KCNK17: variants seen among roughly 807,000 people sequenced by gnomAD.
The protein encoded by KCNK17 is potassium channel subfamily K member 17.
KCNK17 carries 27 observed loss-of-function variants against 24.6 expected under a neutral mutation model. The observed-to-expected ratio is 1.10, with a 90% CI of 0.81 to 1.51. The LOEUF (loss-of-function observed/expected upper bound fraction) is 1.51. Among genes scored for constraint, KCNK17 ranks in the 40% most tolerant of loss-of-function variants. The pLI is 0.00. For missense variants in KCNK17, 450 were observed against 436.6 expected (o/e 1.03, Z -0.27); for synonymous variants, 181 against 189.8 (o/e 0.95, Z 0.38).
At chr6:39,305,496 G>GC (rs79557164) in intron 2 of KCNK17, among the ~76,000 whole-genome samples, 18,616 of 146,214 alleles carry the variant, frequency 0.13, 1,397 homozygotes, top group Admixed American at 0.2. Context: ...GGTAGAAGTT[G>GC]GGGGGGTGGT....
chr6:39,299,947 CTT>C (rs1159143914), intron 4 of KCNK17, among the ~76,000 whole-genome samples: 3 of 152,222 alleles, frequency 2.0e-5, no homozygotes, highest in African/African-American at 7.2e-5. Context: ...TACATTTCCT[CTT>C]TGTCTTTCTG....
Position 39,299,575 on chromosome 6 carries a change from T to A in KCNK17, c.851A>T (p.Asp284Val). Residue 284 changes from aspartate to valine, a missense_variant, in exon 5 of 5, where the codon GAC (aspartate) becomes GTC (valine). Transcript: ENST00000373231. ...CSCCHHSSKE[D>V]FKSQSWRQGP... is the part of the protein sequence containing the mutation. ...CTGTCTCCAGCTTTGGGACTTGAAG[T>A]CTTCCTTAGAGCTGTGGTGGCAGCA... The A allele has an allele frequency of 6.2e-7, 1 of 1,614,148 alleles. No homozygotes were observed. Among genetic ancestry groups the A allele is most frequent in the East Asian group, 2.2e-5 (1 of 44,878 alleles).
chr6:39,308,479 T>G (rs1313667021), intron 2 of KCNK17, among the ~76,000 whole-genome samples: 1 of 152,180 alleles, frequency 6.6e-6, no homozygotes, highest in African/African-American at 2.4e-5. Flanking sequence ...TTAGAAGAGA[T>G]GGGGTTTCAT....
At chr6:39,308,755 C>T (rs1170644485) in intron 2 of KCNK17, among the ~76,000 whole-genome samples, 1 of 152,216 alleles carries the variant, frequency 6.6e-6, no homozygotes, top group African/African-American at 2.4e-5. Flanking sequence ...GTGCTGGTCC[C>T]AGGGTAATGG....
In KCNK17 at chr6:39,303,930, G is replaced by A. The variant is rs372966045; in HGVS notation, c.688+27C>T. ...GAGGTATAGGCAGCCGAATGTCCCC[G>A]CCAGCCCAACCGCCAGGAACTCTCA... On this transcript the variant is annotated intron_variant, in intron 4 of 4. Transcript: ENST00000373231. The A allele has an allele frequency of 3.7e-5, 60 of 1,605,268 alleles. No individual in the cohort carries two copies. The African/African-American group carries it at 5.3e-4, about 14-fold the overall frequency.
At chr6:39,311,709 T>TCTTCCC (rs1172570771) in intron 1 of KCNK17, among the ~76,000 whole-genome samples, 3 of 152,314 alleles carry the variant, frequency 2.0e-5, no homozygotes, top group Admixed American at 2.0e-4. Flanking sequence ...GGATGTTCAT[T>TCTTCCC]CTCATTTGGG....
At chr6:39,312,697 C>T (rs1007221398) in intron 1 of KCNK17, among the ~76,000 whole-genome samples, 5 of 152,218 alleles carry the variant, frequency 3.3e-5, no homozygotes, top group African/African-American at 1.2e-4. Flanking sequence ...ATAAGTGCTG[C>T]ACAGAGGCAT....
intron 4 of KCNK17, 66 bp downstream of exon 4, chr6:39,303,891 G>A: frequency 6.5e-7 from 1 of 1,545,762 alleles, no homozygotes; most frequent in South Asian, 1.1e-5. Context: ...CCAGCTGCGG[G>A]AGCAGATGAG....
intron 4 of KCNK17, chr6:39,300,610 T>G: frequency 1.5e-6 from 2 of 1,363,362 alleles, no homozygotes; most frequent in Non-Finnish European, 1.0e-6. Context: ...TGAACCTCCT[T>G]CACCTGTGAG....
chr6:39,304,228 A>C, intron 3 of KCNK17, 97 bp from the exon 4 acceptor site: 1 of 1,186,236 alleles, frequency 8.4e-7, no homozygotes, highest in Non-Finnish European at 1.2e-6. Flanking sequence ...CCCCAGTAAG[A>C]AGGGGGCTCT....
intron 2 of KCNK17, among the ~76,000 whole-genome samples, chr6:39,305,418 G>A (rs1173485339): frequency 6.6e-6 from 1 of 152,104 alleles, no homozygotes; most frequent in Non-Finnish European, 1.5e-5. Flanking sequence ...CTAGCACAAC[G>A]GGGCTCCCTC....
chr6:39,314,349 G>A lies in KCNK17; in HGVS notation c.-29C>T. On this transcript the variant is annotated 5_prime_UTR_variant, in exon 1 of 5. Transcript: ENST00000373231. ...GGGAGAGGCGGGGAGCCGGCGCCGG[G>A]AGCGGTGGACTAGGACCCGGTGGGA... is the stretch of plus-strand genomic sequence containing the variant. 2.2e-6 allele frequency: 3 copies of A among 1,376,558 alleles called. No individual in the cohort carries two copies. The highest frequency in any genetic ancestry group is 2.8e-6 in the Non-Finnish European group (3 of 1,063,364). 85.3% of individuals were successfully genotyped at this position (1,376,558 alleles called of 1,614,324 possible).
chr6:39,305,081 G>A (rs1242740187), intron 2 of KCNK17, among the ~76,000 whole-genome samples: 2 of 152,186 alleles, frequency 1.3e-5, no homozygotes, highest in Non-Finnish European at 2.9e-5. Flanking sequence ...AGGCCATGCT[G>A]TCTCCACACT....
intron 1 of KCNK17, among the ~76,000 whole-genome samples, chr6:39,313,526 C>T (rs1359798523): frequency 6.6e-6 from 1 of 152,224 alleles, no homozygotes; most frequent in Non-Finnish European, 1.5e-5. Context: ...CGCCTTCCCC[C>T]AGGCTCCTAC....
chr6:39,314,106 G>T lies in KCNK17; in HGVS notation c.215C>A (p.Pro72Gln), dbSNP rs754336373. ...GACCCGGATCAGCGAGTCCAGCGCC[G>T]GGCGGTCCAGACACGTGAAGTTCTG... ...LLQNFTCLDRPALDSLIRDVV... is the reference protein window; with the variant it reads ...LLQNFTCLDRQALDSLIRDVV... The change falls in exon 1 of 5, where the codon CCG becomes CAG. Residue 72 changes from proline (P) to glutamine (Q), a missense_variant. By Grantham distance (76) the Pro-to-Gln change is moderately conservative (BLOSUM62 -1). Transcript: ENST00000373231. 6 of 1,588,998 alleles carry T rather than the reference G, an allele frequency of 3.8e-6. No individual in the cohort carries two copies. Among genetic ancestry groups the T allele is most frequent in the Non-Finnish European group, 5.1e-6 (6 of 1,169,604 alleles).
chr6:39,312,005 A>G (rs1391402457), intron 1 of KCNK17, among the ~76,000 whole-genome samples: 1 of 152,170 alleles, frequency 6.6e-6, no homozygotes, highest in East Asian at 1.9e-4. Flanking sequence ...GGCAGTATAG[A>G]AAGGGTTGAC....
intron 4 of KCNK17, among the ~76,000 whole-genome samples, chr6:39,302,584 C>T (rs1761965571): frequency 6.6e-6 from 1 of 152,180 alleles, no homozygotes; most frequent in African/African-American, 2.4e-5. Flanking sequence ...AGTGCCCAAC[C>T]TGTGCAGCTA....
chr6:39,303,813 G>T (rs988365060), intron 4 of KCNK17, 144 bp downstream of exon 4: 15 of 890,724 alleles, frequency 1.7e-5, no homozygotes, highest in Non-Finnish European at 2.6e-5. Context: ...CACAACAAAA[G>T]CGGGTAGGAC....
At chr6:39,310,860 A>AC in intron 2 of KCNK17, 33 bp downstream of exon 2, 139 of 681,504 alleles carry the variant, frequency 2.0e-4, no homozygotes, top group Non-Finnish European at 3.1e-4. Flanking sequence ...TCCTTCCCCC[A>AC]CCCCCATCCC....
Sources: allele counts gnomAD v4.1 joint callset (sites outside exome capture counted in the v4.1 genomes callset), GRCh38; gene constraint gnomAD v4.1.1; transcripts MANE v1.5; gene names NCBI Gene and HGNC (gene_info 2026-07-23, HGNC 2026-07-21).